Variants in CDK13 observed in about 807,000 individuals in gnomAD.
CDK13 encodes the protein cyclin-dependent kinase 13.
CDK13 carries 40 observed loss-of-function variants against 137.6 expected under a neutral mutation model. The ratio of observed to expected loss-of-function variants is 0.29; its 90% CI spans 0.23 to 0.38. The LOEUF (loss-of-function observed/expected upper bound fraction) is 0.38, where lower values mean the gene tolerates loss of function less well. CDK13 is among the 10% of genes least tolerant of loss of function. The pLI is 1.00. For missense variants in CDK13, 1,704 were observed against 1,951.8 expected, an observed-to-expected ratio of 0.87 and a Z score of 2.39; for synonymous variants, 869 against 760.1, an observed-to-expected ratio of 1.14 and a Z score of -2.36.
rs538822290 is a variant in CDK13 at position 40,098,545 on chromosome 7, C to A, written c.*3565C>A. 6.8e-6 allele frequency: 1 copy of A among 148,076 alleles called. No homozygotes were observed. Among genetic ancestry groups the A allele is most frequent in the Non-Finnish European group, 1.5e-5 (1 of 67,130 alleles). 9.2% of individuals were successfully genotyped at this position (148,076 alleles called of 1,614,324 possible). The stretch of plus-strand genomic sequence containing the variant: ...TTTCAATTTTTTTTTTTTTTTTGGC[C>A]CAGTCTGCCTTTTGATGTTTTAAAA... On this transcript the variant is annotated 3_prime_UTR_variant, in exon 14 of 14. Coordinates refer to ENST00000181839, the MANE Select transcript of CDK13 (RefSeq NM_003718.5).
In CDK13 at chr7:40,051,263, CTT is replaced by C. The variant is rs11284687; in HGVS notation, c.2600+3397_2600+3398del. On this transcript the variant is annotated intron_variant, in intron 7 of 13. Transcript: ENST00000181839. ...GTTTATATACTCCTTTAAAACTTCT[CTT>C]TTTTTTTTTTAAGAGAATAATTCTG... Among the ~76,000 whole-genome samples, 10 of 144,286 alleles carry C rather than the reference CTT, an allele frequency of 6.9e-5. No individual in the cohort carries two copies. The South Asian group carries it at 8.6e-4, about 12-fold the overall frequency. The allele number at this position is 144,286 out of a possible 152,430, so 94.7% of individuals were successfully genotyped here.
At chr7:40,071,624 T>G (rs749209305) in intron 9 of CDK13, 5 of 152,234 alleles carry the variant, frequency 3.3e-5, no homozygotes, top group Non-Finnish European at 7.3e-5. Flanking sequence ...TGTGATATTA[T>G]GCATTGGTCA....
chr7:40,022,217 C>A (rs1041323477), intron 5 of CDK13, among the ~76,000 whole-genome samples: 30 of 152,164 alleles, frequency 2.0e-4, no homozygotes, highest in Non-Finnish European at 5.9e-5. Context: ...GGTTTCATGT[C>A]AGCACAGTGA....
At chr7:40,028,092 A>T (rs945510138) in intron 5 of CDK13, among the ~76,000 whole-genome samples, 3 of 149,914 alleles carry the variant, frequency 2.0e-5, no homozygotes, top group African/African-American at 7.4e-5. Flanking sequence ...TGGATTAGGG[A>T]GGTTCAGTAT....
In CDK13 at chr7:40,094,709, A is replaced by G. The variant is rs762819977; in HGVS notation, c.4268A>G (p.Lys1423Arg). The G allele has an allele frequency of 1.2e-6, 2 of 1,614,226 alleles. No individual in the cohort carries two copies. Among genetic ancestry groups the G allele is most frequent in the Non-Finnish European group, 1.7e-6 (2 of 1,180,038 alleles). The change falls in exon 14 of 14, where the codon AAG (lysine) becomes AGG (arginine). Residue 1423 changes from lysine to arginine, a missense_variant. Physicochemically the swap from Lys to Arg is conservative, Grantham distance 26 (BLOSUM62 2). Transcript: ENST00000181839. ...GGTCCCATGTTGTTTAGTGGAGACA[A>G]GGACCATAGATTTGAATATAGCCAT... is the stretch of plus-strand genomic sequence containing the variant. ...NAGPMLFSGD[K>R]DHRFEYSHGP...
intron 7 of CDK13, among the ~76,000 whole-genome samples, chr7:40,055,278 C>G (rs1197242796): frequency 1.4e-5 from 2 of 148,142 alleles, no homozygotes; most frequent in South Asian, 2.1e-4. Flanking sequence ...TTAGATTTTT[C>G]TTTTTTGTAT....
chr7:40,084,110 C>T (rs1256193611), intron 11 of CDK13, among the ~76,000 whole-genome samples: 4 of 152,030 alleles, frequency 2.6e-5, no homozygotes, highest in South Asian at 2.1e-4. Context: ...TTTGGGAGGC[C>T]GAGGCGGACC....
chr7:40,047,818 C>G lies in CDK13; in HGVS notation c.2544-3C>G. ...TTTGTTCATTTTGTCTTATTTCCAC[C>G]AGAGGGCAGATAAAACTTGCAGACT... On this transcript the variant is annotated splice_polypyrimidine_tract_variant and splice_region_variant and intron_variant, in intron 6 of 13. Coordinates refer to ENST00000181839, the MANE Select transcript of CDK13 (RefSeq NM_003718.5). 6.2e-7 allele frequency: 1 copy of G among 1,603,486 alleles called. No individual in the cohort carries two copies. The highest frequency in any genetic ancestry group is 8.5e-7 in the Non-Finnish European group (1 of 1,171,154).
At chr7:40,048,665 ACAT>A (rs1443674430) in intron 7 of CDK13, 1 of 147,336 alleles carries the variant, frequency 6.8e-6, no homozygotes, top group African/African-American at 2.7e-5. Flanking sequence ...ATATAATGAA[ACAT>A]CAGTTGATTG....
chr7:40,009,376 G>C (rs942653722), intron 5 of CDK13, among the ~76,000 whole-genome samples: 2 of 152,178 alleles, frequency 1.3e-5, no homozygotes, highest in Non-Finnish European at 2.9e-5. Context: ...TATTCTAGCA[G>C]GTACCTGCCA....
rs570393249 is a variant in CDK13, at chr7:40,043,011, C to T, written c.2354-2825C>T. Among the ~76,000 whole-genome samples, 6 of 152,306 alleles carry T rather than the reference C, an allele frequency of 3.9e-5. No individual in the cohort carries two copies. In the East Asian group the frequency reaches 1.2e-3, roughly 29 times the overall value. On this transcript the variant is annotated intron_variant, in intron 5 of 13. Transcript: ENST00000181839. ...CAGGCTAGTCTCAAACCCCTGGCCT[C>T]AAGCAGTCCTCTCGCCCCGATCTCC...
chr7:39,961,688 A>G (rs1318860149), intron 1 of CDK13, among the ~76,000 whole-genome samples: 2 of 151,192 alleles, frequency 1.3e-5, no homozygotes. Flanking sequence ...CACAACGTGC[A>G]GGTTAGTTAC....
rs1562691317 is a variant in CDK13 at position 39,950,759 on chromosome 7, C to T, written c.118C>T (p.Leu40=). The part of the protein sequence containing the change: ...RFLSPQQPPL[L]LPLLQPQLLQ... The stretch of plus-strand genomic sequence containing the variant: ...CCTGTCCCCTCAGCAGCCGCCGCTG[C>T]TGTTGCCGCTCCTGCAGCCGCAGCT... The change falls in exon 1 of 14, where the codon CTG becomes TTG. Residue 40 remains leucine, a synonymous_variant. Coordinates refer to ENST00000181839, the MANE Select transcript of CDK13 (RefSeq NM_003718.5). 4 of 1,476,936 alleles carry T rather than the reference C, an allele frequency of 2.7e-6. No homozygotes were observed. The African/African-American group carries it at 4.4e-5, about 16-fold the overall frequency. 91.5% of individuals were successfully genotyped at this position (1,476,936 alleles called of 1,614,324 possible).
intron 5 of CDK13, among the ~76,000 whole-genome samples, chr7:40,044,812 A>G (rs904913672): frequency 2.6e-5 from 4 of 151,602 alleles, no homozygotes; most frequent in African/African-American, 7.3e-5. Context: ...AATTTTTTGT[A>G]TATTTATTAG....
chr7:39,969,791 A>G (rs1230803299), intron 1 of CDK13, among the ~76,000 whole-genome samples: 1 of 151,394 alleles, frequency 6.6e-6, no homozygotes, highest in Non-Finnish European at 1.5e-5. Context: ...CCATATGTTT[A>G]TTTGCCCTTC....
chr7:39,979,098 A>G (rs545914611), intron 1 of CDK13, among the ~76,000 whole-genome samples: 7 of 152,288 alleles, frequency 4.6e-5, no homozygotes, highest in Non-Finnish European at 8.8e-5. Context: ...TGGGACATGT[A>G]ATAATCGCTG....
intron 2 of CDK13, among the ~76,000 whole-genome samples, chr7:39,993,373 C>T (rs1458583429): frequency 1.3e-5 from 2 of 152,092 alleles, no homozygotes; most frequent in Non-Finnish European, 1.5e-5. Flanking sequence ...GAAATTTGGC[C>T]AGTGGAAGCT....
intron 5 of CDK13, among the ~76,000 whole-genome samples, chr7:40,015,020 G>A (rs1189153535): frequency 6.6e-6 from 1 of 152,074 alleles, no homozygotes; most frequent in Admixed American, 6.5e-5. Context: ...GTCTGTTTCA[G>A]AATAATCAAA....
In CDK13 at chr7:40,094,178, C is replaced by T. The variant is rs761120542; in HGVS notation, c.3737C>T (p.Thr1246Met). 16 of 1,613,886 alleles carry T rather than the reference C, an allele frequency of 9.9e-6. No homozygotes were observed. Among genetic ancestry groups the T allele is most frequent in the East Asian group, 2.2e-5 (1 of 44,874 alleles). The change falls in exon 14 of 14, where the codon ACG becomes ATG. Residue 1246 changes from threonine (T) to methionine (M), a missense_variant. Coordinates refer to ENST00000181839, the MANE Select transcript of CDK13 (RefSeq NM_003718.5). ...QHQDMRILEL[T>M]PEPDRPRILP... ...CAAGATATGAGGATCTTGGAGCTAA[C>T]GCCAGAACCAGACCGGCCTCGAATT...
Sources: allele counts gnomAD v4.1 joint callset (sites outside exome capture counted in the v4.1 genomes callset), GRCh38; gene constraint gnomAD v4.1.1; transcripts MANE v1.5; gene names NCBI Gene and HGNC (gene_info 2026-07-23, HGNC 2026-07-21).